KIF6: variants seen among roughly 807,000 people sequenced by gnomAD.
KIF6 encodes kinesin-like protein KIF6.
KIF6 carries 106 observed loss-of-function variants against 112.7 expected under a neutral mutation model. The ratio of observed to expected loss-of-function variants is 0.94; its 90% CI spans 0.80 to 1.11. The LOEUF (loss-of-function observed/expected upper bound fraction) is 1.11. KIF6 is among the 50% of genes least tolerant of loss of function. KIF6 has a pLI of 0.00. For missense variants in KIF6, 929 were observed against 964.0 expected, an observed-to-expected ratio of 0.96 and a Z score of 0.48; for synonymous variants, 339 against 339.9, an observed-to-expected ratio of 1.00 and a Z score of 0.03.
intron 5 of KIF6, among the ~76,000 whole-genome samples, chr6:39,622,750 A>T (rs2150738308): frequency 6.6e-6 from 1 of 152,352 alleles, no homozygotes; most frequent in African/African-American, 2.4e-5. Flanking sequence ...AGCTTCCTGG[A>T]CATGAGCAGC....
Position 39,540,028 on chromosome 6 carries a change from T to A in KIF6, c.1620A>T (p.Arg540Ser), listed in dbSNP as rs754566125. The A allele has an allele frequency of 2.5e-6, 4 of 1,606,096 alleles. No homozygotes were observed. The highest frequency in any genetic ancestry group is 1.1e-5 in the South Asian group (1 of 88,862). ...QAQDFSILGK[R>S]SSLLHKKIGM... ...CTATTTTCTTGTGGAGCAAACTGGA[T>A]CTTTTCCCCAAAATGCTGAAGTCCT... The change falls in exon 13 of 23, where the codon AGA becomes AGT. Residue 540 changes from arginine (R) to serine (S), a missense_variant. Transcript: ENST00000287152.
At chr6:39,701,458 C>A (rs1788872053) in intron 3 of KIF6, among the ~76,000 whole-genome samples, 1 of 152,234 alleles carries the variant, frequency 6.6e-6, no homozygotes. Context: ...TGTGCCCGAG[C>A]CTGCCTGCGC....
chr6:39,626,573 A>G (rs969470634), intron 5 of KIF6, among the ~76,000 whole-genome samples: 1 of 152,202 alleles, frequency 6.6e-6, no homozygotes, highest in African/African-American at 2.4e-5. Context: ...CATGGATTAT[A>G]ATACCTACTT....
At chr6:39,444,106 A>G (rs930553900) in intron 13 of KIF6, among the ~76,000 whole-genome samples, 6 of 152,218 alleles carry the variant, frequency 3.9e-5, no homozygotes, top group Non-Finnish European at 8.8e-5. Context: ...AACCGAGTCA[A>G]CTAGGTAGTA....
intron 14 of KIF6, among the ~76,000 whole-genome samples, chr6:39,429,630 C>T (rs1260970710): frequency 6.6e-6 from 1 of 152,202 alleles, no homozygotes; most frequent in Non-Finnish European, 1.5e-5. Context: ...TGTTTTTAGG[C>T]CAGGCGCAGT....
At position 39,596,264 on chromosome 6, in the gene KIF6, T is replaced by C. The variant is rs1782260987; in HGVS notation, c.640-4A>G. ...TTGAAGCTTGGTTCATAGGAGTCTA[T>C]AAAAAAATTGCAAAACAAAAATTAT... On this transcript the variant is annotated splice_polypyrimidine_tract_variant and splice_region_variant and intron_variant, in intron 6 of 22. Transcript: ENST00000287152. 2 of 1,601,934 alleles carry C rather than the reference T, an allele frequency of 1.2e-6. No homozygotes were observed. The highest frequency in any genetic ancestry group is 1.1e-5 in the South Asian group (1 of 88,592).
At chr6:39,462,159 A>G (rs1371802153) in intron 13 of KIF6, among the ~76,000 whole-genome samples, 1 of 152,170 alleles carries the variant, frequency 6.6e-6, no homozygotes, top group Non-Finnish European at 1.5e-5. Flanking sequence ...TGTGTGATAC[A>G]TTTACTTTAT....
chr6:39,348,902 C>T (rs556816979), intron 19 of KIF6, among the ~76,000 whole-genome samples: 39 of 152,330 alleles, frequency 2.6e-4, no homozygotes, highest in African/African-American at 8.2e-4. Flanking sequence ...CTCACCCTGG[C>T]GGCTCTGACC....
At chr6:39,406,249 C>G (rs943722827) in intron 15 of KIF6, among the ~76,000 whole-genome samples, 1 of 152,084 alleles carries the variant, frequency 6.6e-6, no homozygotes, top group Non-Finnish European at 1.5e-5. Flanking sequence ...TCAAAGTGAT[C>G]CGCCTGCCTC....
intron 15 of KIF6, among the ~76,000 whole-genome samples, chr6:39,392,787 G>A (rs1767989301): frequency 6.6e-6 from 1 of 152,180 alleles, no homozygotes; most frequent in Non-Finnish European, 1.5e-5. Context: ...AGACTGAGAG[G>A]CTTCCTCATT....
chr6:39,578,155 A>G lies in KIF6; in HGVS notation c.1082T>C (p.Ile361Thr). 2.5e-6 allele frequency: 4 copies of G among 1,607,582 alleles called. No individual in the cohort carries two copies. Among genetic ancestry groups the G allele is most frequent in the Non-Finnish European group, 3.4e-6 (4 of 1,174,112 alleles). ...CTGGATTTCCTTTTGTAGGCGTTTA[A>G]TCACCTACAAATGGCAAAGAGGCAG... ...LNEEINPRLV[I>T]KRLQKEIQEL... Residue 361 changes from isoleucine (I) to threonine (T), a missense_variant, in exon 10 of 23, where the codon ATT (isoleucine) becomes ACT (threonine). This residue lies in a region of KIF6 where 688 missense variants were observed against 662.7 expected (regional missense o/e 1.04). Coordinates refer to ENST00000287152, the MANE Select transcript of KIF6 (RefSeq NM_145027.6).
At chr6:39,395,401 T>A (rs1403530916) in intron 15 of KIF6, among the ~76,000 whole-genome samples, 4 of 152,242 alleles carry the variant, frequency 2.6e-5, no homozygotes, top group Admixed American at 2.0e-4. Flanking sequence ...GCAACCAGCA[T>A]GAATTATTAA....
At chr6:39,506,912 G>T (rs1285341664) in intron 13 of KIF6, among the ~76,000 whole-genome samples, 4 of 152,192 alleles carry the variant, frequency 2.6e-5, no homozygotes, top group African/African-American at 9.6e-5. Flanking sequence ...TGGGAGGGCA[G>T]TGTGCAGAGG....
intron 4 of KIF6, among the ~76,000 whole-genome samples, chr6:39,636,353 G>A (rs147101684): frequency 6.6e-5 from 10 of 151,876 alleles, no homozygotes; most frequent in African/African-American, 2.4e-4. Flanking sequence ...TCTATATTCC[G>A]GTGTTCTGTG....
chr6:39,570,146 T>A (rs184848450), intron 10 of KIF6, among the ~76,000 whole-genome samples: 89 of 152,336 alleles, frequency 5.8e-4, no homozygotes, highest in African/African-American at 2.1e-3. Flanking sequence ...CTTAAATTAT[T>A]TAATGTTATA....
At chr6:39,677,168 C>T (rs1787193138) in intron 3 of KIF6, among the ~76,000 whole-genome samples, 1 of 151,870 alleles carries the variant, frequency 6.6e-6, no homozygotes, top group Admixed American at 6.6e-5. Context: ...ATATAGTAGA[C>T]CTATAATTTT....
In KIF6 at chr6:39,634,895, C is replaced by T; in HGVS notation, c.463G>A (p.Asp155Asn). The T allele has an allele frequency of 6.2e-7, 1 of 1,612,728 alleles. No homozygotes were observed. The highest frequency in any genetic ancestry group is 1.1e-5 in the South Asian group (1 of 91,038). The change falls in exon 5 of 23, where the codon GAT becomes AAT. Residue 155 changes from aspartate (D) to asparagine (N), a missense_variant. By Grantham distance (23) the Asp-to-Asn change is conservative (BLOSUM62 1). Transcript: ENST00000287152. ...GCTTCATGTCTTGGATCCAAAAGAT[C>T]ATAACCACATTCATTGTAGATTTCC... ...YLEIYNECGY[D>N]LLDPRHEASS...
At chr6:39,338,139 A>C (rs933379208) in intron 22 of KIF6, among the ~76,000 whole-genome samples, 1 of 152,246 alleles carries the variant, frequency 6.6e-6, no homozygotes, top group Non-Finnish European at 1.5e-5. Context: ...AGAATTTCTG[A>C]GATTCTTGGA....
intron 15 of KIF6, among the ~76,000 whole-genome samples, chr6:39,412,049 G>A (rs1329284946): frequency 2.6e-5 from 4 of 152,142 alleles, no homozygotes; most frequent in Admixed American, 1.3e-4. Context: ...ACTCTGTCAG[G>A]ACTCTTGGAA....
Sources: allele counts gnomAD v4.1 joint callset (sites outside exome capture counted in the v4.1 genomes callset), GRCh38; gene constraint gnomAD v4.1.1; regional missense constraint gnomAD v4.1.1; transcripts MANE v1.5; gene names NCBI Gene and HGNC (gene_info 2026-07-23, HGNC 2026-07-21).